GRID2: variants seen among roughly 807,000 people sequenced by gnomAD.
GRID2 encodes glutamate ionotropic receptor delta type subunit 2.
A neutral mutation model predicts 114.8 loss-of-function variants in GRID2; 33 were observed. The ratio of observed to expected loss-of-function variants is 0.29; its 90% CI spans 0.22 to 0.38. The LOEUF (loss-of-function observed/expected upper bound fraction) is 0.38. Ranked by LOEUF, GRID2 falls within the 10% of genes least tolerant of loss-of-function variation. The pLI is 1.00. For synonymous variants in GRID2, 505 were observed against 449.9 expected, an observed-to-expected ratio of 1.12 and a Z score of -1.55; for missense variants, 1,184 against 1,257.7, an observed-to-expected ratio of 0.94 and a Z score of 0.89.
intron 2 of GRID2, among the ~76,000 whole-genome samples, chr4:92,814,368 A>T (rs1402519919): frequency 6.6e-6 from 1 of 152,144 alleles, no homozygotes; most frequent in Admixed American, 6.6e-5. Flanking sequence ...AGTAATAATA[A>T]TTATAAGGAG....
intron 1 of GRID2, among the ~76,000 whole-genome samples, chr4:92,437,329 G>C (rs769235164): frequency 5.9e-5 from 9 of 152,116 alleles, no homozygotes; most frequent in Non-Finnish European, 8.8e-5. Flanking sequence ...GCCCAGCCTG[G>C]AGTGCAGTGG....
At chr4:93,471,697 A>ATTTT (rs1724813446) in intron 11 of GRID2, among the ~76,000 whole-genome samples, 1 of 57,300 alleles carries the variant, frequency 1.7e-5, no homozygotes. Flanking sequence ...TCCTGAATTC[A>ATTTT]ATTTTTTTTT....
Position 93,714,879 on chromosome 4 carries a change from TTGTC to T in GRID2, c.2361-54327_2361-54324del, listed in dbSNP as rs532262505. On this transcript the variant is annotated intron_variant, in intron 14 of 15. Coordinates refer to ENST00000282020, the MANE Select transcript of GRID2 (RefSeq NM_001510.4). ...CAAAAATTTTCTCCCATTCTCTAGA[TTGTC>T]TGTTCACTCTGAGGATAATTTCTTT... 6.5e-4 allele frequency among the ~76,000 whole-genome samples: 99 copies of T among 152,286 alleles called. 1 individual carries two copies. In the South Asian group the frequency reaches 0.02, roughly 31 times the overall value.
At position 93,719,230 on chromosome 4, in the gene GRID2, A is replaced by C. The variant is rs559919047; in HGVS notation, c.2361-49980A>C. The stretch of plus-strand genomic sequence containing the variant: ...TTCTTCCCTATAGATCTAGCTATCT[A>C]TATATATTAAGTTGAATCTAACTCA... On this transcript the variant is annotated intron_variant, in intron 14 of 15. Transcript: ENST00000282020. Among the ~76,000 whole-genome samples the C allele has an allele frequency of 9.2e-5, 14 of 152,210 alleles. No individual in the cohort carries two copies. The South Asian group carries it at 2.3e-3, about 25-fold the overall frequency.
intron 2 of GRID2, among the ~76,000 whole-genome samples, chr4:92,805,102 A>G (rs1740347594): frequency 6.6e-6 from 1 of 151,946 alleles, no homozygotes; most frequent in South Asian, 2.1e-4. Context: ...TTATTATCTC[A>G]TTTTCTACAT....
chr4:93,796,846 A>G (rs1734813293), intron 1 of GRID2, among the ~76,000 whole-genome samples: 1 of 152,156 alleles, frequency 6.6e-6, no homozygotes, highest in South Asian at 2.1e-4. Flanking sequence ...GCACCCAGCC[A>G]GTCATGGGAA....
chr4:93,174,901 G>T (rs1338212811), intron 4 of GRID2, among the ~76,000 whole-genome samples: 1 of 152,004 alleles, frequency 6.6e-6, no homozygotes, highest in East Asian at 1.9e-4. Context: ...TCCAGTTTGG[G>T]GCTGTTATGA....
rs1436723040 is a variant in GRID2 at position 92,460,045 on chromosome 4, TATATATATAC to T, written c.89-130084_89-130075del. Reference sequence around the variant, plus strand: ...AAATAAATCTCACTATATATATATATATATATATACACACACAACTTTTTGGTTCTGTTTC... The same window carrying T: ...AAATAAATCTCACTATATATATATATACACACAACTTTTTGGTTCTGTTTC... On this transcript the variant is annotated intron_variant, in intron 1 of 15. Transcript: ENST00000282020. Among the ~76,000 whole-genome samples the T allele has an allele frequency of 2.6e-5, 3 of 116,642 alleles. 1 individual carries two copies. Among genetic ancestry groups the T allele is most frequent in the African/African-American group, 6.9e-5 (2 of 28,898 alleles). The allele number at this position is 116,642 out of a possible 152,430, so 76.5% of individuals were successfully genotyped here.
intron 14 of GRID2, among the ~76,000 whole-genome samples, chr4:93,735,389 C>T (rs1253817938): frequency 6.6e-6 from 1 of 151,884 alleles, no homozygotes; most frequent in African/African-American, 2.4e-5. Flanking sequence ...ATGTATACAA[C>T]CAACAATTCA....
At chr4:92,465,937 A>G (rs896939076) in intron 1 of GRID2, among the ~76,000 whole-genome samples, 1 of 151,956 alleles carries the variant, frequency 6.6e-6, no homozygotes, top group Non-Finnish European at 1.5e-5. Context: ...AATAATGATC[A>G]TATACAGGCA....
intron 2 of GRID2, among the ~76,000 whole-genome samples, chr4:92,786,723 T>C (rs958857918): frequency 1.3e-5 from 2 of 151,974 alleles, no homozygotes; most frequent in Admixed American, 6.6e-5. Context: ...TTGATGATGC[T>C]GTATTCATTA....
intron 14 of GRID2, among the ~76,000 whole-genome samples, chr4:93,649,848 A>G (rs1722431174): frequency 6.6e-6 from 1 of 152,154 alleles, no homozygotes; most frequent in Admixed American, 6.6e-5. Flanking sequence ...ATCCTAGTCC[A>G]TCTCCAAAAC....
intron 1 of GRID2, among the ~76,000 whole-genome samples, chr4:92,392,769 A>G (rs143599822): frequency 1.8e-4 from 28 of 152,224 alleles, no homozygotes; most frequent in Non-Finnish European, 3.8e-4. Flanking sequence ...TCATACCTAA[A>G]GACTATACTT....
intron 2 of GRID2, among the ~76,000 whole-genome samples, chr4:92,675,590 A>C (rs1488726089): frequency 2.7e-5 from 4 of 146,836 alleles, no homozygotes; most frequent in African/African-American, 1.0e-4. Context: ...CTGCTCTGTC[A>C]CCCAGGCTGG....
intron 2 of GRID2, among the ~76,000 whole-genome samples, chr4:92,920,556 C>G (rs1276052225): frequency 6.6e-6 from 1 of 152,168 alleles, no homozygotes; most frequent in Non-Finnish European, 1.5e-5. Flanking sequence ...TTGACAAAAT[C>G]TCTCAGCATT....
intron 3 of GRID2, among the ~76,000 whole-genome samples, chr4:93,095,677 C>A (rs1731154727): frequency 6.6e-6 from 1 of 151,632 alleles, no homozygotes; most frequent in African/African-American, 2.4e-5. Flanking sequence ...ATATCAAATA[C>A]CCAGAAATAA....
At chr4:92,452,824 CAT>C (rs145753492) in intron 1 of GRID2, among the ~76,000 whole-genome samples, 1,566 of 130,672 alleles carry the variant, frequency 0.012, 28 homozygotes, top group African/African-American at 0.039. Context: ...ATATGTTTAC[CAT>C]ATATATATAT....
At chr4:93,541,520 TTC>T (rs1242980756) in intron 13 of GRID2, among the ~76,000 whole-genome samples, 8 of 152,122 alleles carry the variant, frequency 5.3e-5, no homozygotes, top group Non-Finnish European at 8.8e-5. Flanking sequence ...AGAATAAGAA[TTC>T]TCTCTCTATC....
chr4:92,497,591 T>TA (rs1213973017), intron 1 of GRID2, among the ~76,000 whole-genome samples: 1 of 151,922 alleles, frequency 6.6e-6, no homozygotes, highest in Non-Finnish European at 1.5e-5. Flanking sequence ...TAAGACATCT[T>TA]AAAATCTAGC....
Sources: gnomAD v4.1 joint callset for allele counts (sites outside exome capture counted in the v4.1 genomes callset) on GRCh38, gnomAD v4.1.1 for gene constraint, MANE v1.5 for transcripts, NCBI Gene and HGNC (gene_info 2026-07-23, HGNC 2026-07-21) for gene names.